VGLL4: variants seen among roughly 807,000 people sequenced by gnomAD.
VGLL4 encodes the protein transcription cofactor vestigial-like protein 4.
In VGLL4, 7 loss-of-function variants were observed where a neutral mutation model predicts 21.0. That is an observed-to-expected ratio of 0.33 (90% CI 0.19 to 0.63). The LOEUF is 0.63. VGLL4 is among the 20% of genes least tolerant of loss of function. The pLI, the probability that VGLL4 is intolerant of heterozygous loss-of-function variation, is 0.78. For synonymous variants in VGLL4, 222 were observed against 173.2 expected (o/e 1.28, Z -2.21); for missense variants, 394 against 425.7 (o/e 0.93, Z 0.66).
chr3:11,666,207 T>C (rs1189654927), intron 2 of VGLL4, among the ~76,000 whole-genome samples: 1 of 146,724 alleles, frequency 6.8e-6, no homozygotes, highest in Non-Finnish European at 1.5e-5. Context: ...AGCCGAGATG[T>C]GCCGCTGCAC....
At chr3:11,651,785 A>G (rs1575496273) in intron 2 of VGLL4, among the ~76,000 whole-genome samples, 2 of 152,306 alleles carry the variant, frequency 1.3e-5, no homozygotes, top group East Asian at 1.9e-4. Context: ...CATAAACCAA[A>G]TATCTAATAA....
At chr3:11,614,883 T>C (rs374668274) in intron 1 of VGLL4, among the ~76,000 whole-genome samples, 3 of 152,218 alleles carry the variant, frequency 2.0e-5, no homozygotes, top group East Asian at 3.8e-4. Flanking sequence ...GTAAATCATT[T>C]TAATTTTTCC....
At chr3:11,708,992 C>T (rs545041208) in intron 1 of VGLL4, among the ~76,000 whole-genome samples, 5 of 151,678 alleles carry the variant, frequency 3.3e-5, no homozygotes, top group Admixed American at 6.6e-5. Flanking sequence ...ACCCGGGAGA[C>T]GGGGGTTGCA....
intron 2 of VGLL4, among the ~76,000 whole-genome samples, chr3:11,679,887 G>A (rs1451892343): frequency 6.6e-6 from 1 of 152,136 alleles, no homozygotes; most frequent in African/African-American, 2.4e-5. Flanking sequence ...TAAAGTTAGT[G>A]TAGCCTTCAT....
chr3:11,632,104 A>C (rs527709004), intron 1 of VGLL4, among the ~76,000 whole-genome samples: 7 of 152,162 alleles, frequency 4.6e-5, no homozygotes, highest in Non-Finnish European at 8.8e-5. Context: ...GCCTGAGGTC[A>C]GGAGTTCAAT....
intron 2 of VGLL4, among the ~76,000 whole-genome samples, chr3:11,661,932 G>A (rs941223528): frequency 8.5e-5 from 13 of 152,172 alleles, no homozygotes; most frequent in South Asian, 2.1e-4. Flanking sequence ...AACGGATGCC[G>A]CACTAAACAG....
At chr3:11,559,987 C>G (rs1239501781) in intron 3 of VGLL4, among the ~76,000 whole-genome samples, 1 of 152,156 alleles carries the variant, frequency 6.6e-6, no homozygotes, top group South Asian at 2.1e-4. Context: ...GGAAATATGC[C>G]TAAGTGTGGA....
intron 2 of VGLL4, among the ~76,000 whole-genome samples, chr3:11,584,848 G>A (rs553559287): frequency 2.9e-3 from 431 of 149,372 alleles, no homozygotes; most frequent in Non-Finnish European, 4.0e-3. Context: ...TTCAGGAGGC[G>A]GAAGGCGCCC....
rs1400372539 is a variant in VGLL4, at chr3:11,556,591, TC to T, written c.*1964del. 6.6e-6 allele frequency: 1 copy of T among 152,032 alleles called. No individual in the cohort carries two copies. The highest frequency in any genetic ancestry group is 2.4e-5 in the African/African-American group (1 of 41,184). The allele number at this position is 152,032 out of a possible 1,614,324, so 9.4% of individuals were successfully genotyped here. A position where few individuals can be genotyped will look rare whatever the true frequency, so the allele number is the denominator to read the frequency against. On this transcript the variant is annotated 3_prime_UTR_variant, in exon 5 of 5. Transcript: ENST00000430365. ...CTGTTCCTGCACTTTTACAGACAAA[TC>T]TACGACAAAAAAAAAGATCAACTTT...
At chr3:11,563,152 G>C (rs1223797223) in intron 3 of VGLL4, among the ~76,000 whole-genome samples, 1 of 150,398 alleles carries the variant, frequency 6.6e-6, no homozygotes, top group Non-Finnish European at 1.5e-5. Context: ...CATGTGGGCA[G>C]AGATAGCTTG....
Position 11,557,164 on chromosome 3 carries a change from G to A in VGLL4, c.*1392C>T, listed in dbSNP as rs2072511037. ...AGAAACGCTCATTGACCAAAAAGGA[G>A]CAGCTGTGACCTCCACAGCTGTGTC... On this transcript the variant is annotated 3_prime_UTR_variant, in exon 5 of 5. Coordinates refer to ENST00000430365, the MANE Select transcript of VGLL4 (RefSeq NM_001128219.3). The A allele has an allele frequency of 6.5e-6, 1 of 152,710 alleles. No homozygotes were observed. The highest frequency in any genetic ancestry group is 6.5e-5 in the Admixed American group (1 of 15,274). The allele number at this position is 152,710 out of a possible 1,614,324, so 9.5% of individuals were successfully genotyped here.
intron 2 of VGLL4, among the ~76,000 whole-genome samples, chr3:11,667,678 A>G (rs2076146709): frequency 6.6e-6 from 1 of 152,070 alleles, no homozygotes; most frequent in African/African-American, 2.4e-5. Flanking sequence ...CAAACATCAA[A>G]GCCATCTCAT....
upstream of VGLL4, chr3:11,644,002 C>CT (rs1170283687): frequency 1.0e-6 from 1 of 989,352 alleles, no homozygotes; most frequent in Non-Finnish European, 1.2e-6. Context: ...GCAGGGAGGG[C>CT]TTCTGCACAG....
At chr3:11,573,133 T>C in intron 2 of VGLL4, among the ~76,000 whole-genome samples, 1 of 150,432 alleles carries the variant, frequency 6.6e-6, no homozygotes, top group Non-Finnish European at 1.5e-5. Flanking sequence ...GCCATTGCAC[T>C]CCAACCTGGG....
chr3:11,649,944 G>A (rs2075845120), intron 2 of VGLL4, among the ~76,000 whole-genome samples: 1 of 103,840 alleles, frequency 9.6e-6, no homozygotes, highest in African/African-American at 3.5e-5. Flanking sequence ...GGTTTGGTTT[G>A]GTTTGGTTTT....
upstream of VGLL4, among the ~76,000 whole-genome samples, chr3:11,648,165 A>G (rs1171694216): frequency 6.6e-6 from 1 of 152,232 alleles, no homozygotes; most frequent in Admixed American, 6.5e-5. Context: ...ACGAATGAAT[A>G]AGTTTGATCT....
At chr3:11,706,819 G>A (rs982398550) in intron 1 of VGLL4, among the ~76,000 whole-genome samples, 5 of 152,192 alleles carry the variant, frequency 3.3e-5, no homozygotes, top group Admixed American at 6.5e-5. Context: ...ACCTGGGACA[G>A]GTGGCCAGAC....
At chr3:11,604,561 A>G (rs1054875148) in intron 1 of VGLL4, 1 of 930,928 alleles carries the variant, frequency 1.1e-6, no homozygotes, top group African/African-American at 1.8e-5. Flanking sequence ...TAACTGTTGT[A>G]TGTGTGGTGG....
chr3:11,586,973 G>A (rs997722417), intron 2 of VGLL4, among the ~76,000 whole-genome samples: 4 of 147,784 alleles, frequency 2.7e-5, no homozygotes, highest in South Asian at 2.1e-4. Flanking sequence ...TGAATTGCAC[G>A]AGACCTGCTT....
Sources: gnomAD v4.1 joint callset for allele counts (sites outside exome capture counted in the v4.1 genomes callset) on GRCh38, gnomAD v4.1.1 for gene constraint, MANE v1.5 for transcripts, NCBI Gene and HGNC (gene_info 2026-07-23, HGNC 2026-07-21) for gene names.